CRYBG2: variants seen among roughly 807,000 people sequenced by gnomAD.
The protein encoded by CRYBG2 is beta/gamma crystallin domain-containing protein 2.
A neutral mutation model predicts 153.4 loss-of-function variants in CRYBG2; 106 were observed. The observed-to-expected ratio is 0.69, with a 90% CI of 0.59 to 0.81. CRYBG2 has a LOEUF of 0.81. CRYBG2 is among the 30% of genes least tolerant of loss of function. The probability of loss-of-function intolerance (pLI) is 0.00; values close to 1 mark genes in which losing one functional copy is unlikely to be tolerated. For missense variants in CRYBG2, 1,996 were observed against 2,112.0 expected (o/e 0.95, Z 1.08); for synonymous variants, 851 against 877.8 (o/e 0.97, Z 0.54).
chr1:26,340,323 CA>C (rs1366742316), intron 5 of CRYBG2, among the ~76,000 whole-genome samples: 1 of 152,180 alleles, frequency 6.6e-6, no homozygotes, highest in African/African-American at 2.4e-5. Flanking sequence ...CATCCAGTCA[CA>C]GGTAAGGAAA....
chr1:26,351,724 G>A (rs774762960), intron 1 of CRYBG2, among the ~76,000 whole-genome samples: 1 of 152,118 alleles, frequency 6.6e-6, no homozygotes, highest in Non-Finnish European at 1.5e-5. Context: ...ACAAGCATGT[G>A]GTCATTGGCT....
intron 14 of CRYBG2, 141 bp downstream of exon 14, chr1:26,335,954 C>T (rs1483174392): frequency 1.6e-6 from 1 of 622,192 alleles, no homozygotes; most frequent in African/African-American, 1.9e-5. Context: ...TCCATTAAAA[C>T]CTTATTTTGT....
rs1466458303 is a variant in CRYBG2, at chr1:26,336,789, C to G, written c.3911+52G>C. On this transcript the variant is annotated intron_variant, in intron 11 of 19. Coordinates refer to ENST00000308182, the MANE Select transcript of CRYBG2 (RefSeq NM_001039775.4). This position sits in a 1 kb window ranked among gnomAD's most constrained non-coding sequence, Gnocchi z 4.9. ...GACGGAGCCTGCACCTCTCCTGGAA[C>G]CGCCCCCGGCTCGCCCGGGCCCGCC... 1.9e-6 allele frequency: 3 copies of G among 1,560,994 alleles called. No homozygotes were observed. Among genetic ancestry groups the G allele is most frequent in the Non-Finnish European group, 2.6e-6 (3 of 1,153,450 alleles).
rs759719357 is a variant in CRYBG2 at position 26,345,335 on chromosome 1, G to C, written c.1323C>G (p.Ser441=). 3 of 1,613,270 alleles carry C rather than the reference G, an allele frequency of 1.9e-6. No homozygotes were observed. Among genetic ancestry groups the C allele is most frequent in the Non-Finnish European group, 2.5e-6 (3 of 1,179,862 alleles). ...PSPGGLSAPS[S]PRNKFVQNSE... The stretch of plus-strand genomic sequence containing the variant: ...AGTTCTGAACAAACTTATTCCTTGG[G>C]GACGATGGAGCAGAAAGACCTCCTG... Residue 441 remains serine (S), a synonymous_variant, in exon 2 of 20, where the codon TCC becomes TCG. Coordinates refer to ENST00000308182, the MANE Select transcript of CRYBG2 (RefSeq NM_001039775.4).
chr1:26,351,207 C>T (rs1322638795), intron 1 of CRYBG2, among the ~76,000 whole-genome samples: 1 of 152,146 alleles, frequency 6.6e-6, no homozygotes, highest in Non-Finnish European at 1.5e-5. Context: ...ACTCCCCTGT[C>T]CCCATTAGGG....
rs561047494 is a variant in CRYBG2, at chr1:26,341,516, T to C, written c.3204+1238A>G. Among the ~76,000 whole-genome samples, 11 of 152,084 alleles carry C rather than the reference T, an allele frequency of 7.2e-5. No homozygotes were observed. The South Asian group carries it at 1.5e-3, about 20-fold the overall frequency. On this transcript the variant is annotated intron_variant, in intron 5 of 19. Transcript: ENST00000308182. ...AGCACATGAAATTATAATTTTTTTT[T>C]ACTCTTGTTGCCCAGGCTGGAGTGC...
chr1:26,337,800 TC>T, intron 8 of CRYBG2, 126 bp from the exon 9 acceptor site: 1 of 1,378,640 alleles, frequency 7.3e-7, no homozygotes. Context: ...CTGAACTCCA[TC>T]CCCTTACCCA....
Position 26,326,066 on chromosome 1 carries a change from A to AT in CRYBG2, c.4579-1757dup, listed in dbSNP as rs780086698. 3.2e-4 allele frequency among the ~76,000 whole-genome samples: 49 copies of AT among 151,756 alleles called. No homozygotes were observed. The East Asian group carries it at 7.8e-3, about 24-fold the overall frequency. On this transcript the variant is annotated intron_variant, in intron 17 of 19. Transcript: ENST00000308182. ...ATCACACCTAGCTCATTTCTTTTGT[A>AT]TTTTTTGTAGAGATGGGGTCTCGCC... is the stretch of plus-strand genomic sequence containing the variant.
intron 1 of CRYBG2, among the ~76,000 whole-genome samples, chr1:26,347,502 T>A (rs186030399): frequency 2.2e-3 from 341 of 151,576 alleles, no homozygotes; most frequent in Non-Finnish European, 3.9e-3. Context: ...TTATTTATTT[T>A]TTTTGAGACA....
chr1:26,331,713 T>TCA (rs1402963725), intron 14 of CRYBG2, 95 bp from the exon 15 acceptor site: 1 of 1,517,722 alleles, frequency 6.6e-7, no homozygotes, highest in African/African-American at 1.4e-5. Flanking sequence ...GCAGACTTGA[T>TCA]CATGATCCCC....
intron 14 of CRYBG2, among the ~76,000 whole-genome samples, chr1:26,333,294 C>T (rs1380952753): frequency 6.6e-6 from 1 of 152,068 alleles, no homozygotes; most frequent in African/African-American, 2.4e-5. Context: ...GGCCGGGTGC[C>T]GTGGCTCACG....
chr1:26,340,146 A>G (rs1001260058), intron 5 of CRYBG2, among the ~76,000 whole-genome samples: 17 of 152,226 alleles, frequency 1.1e-4, no homozygotes, highest in African/African-American at 3.9e-4. Context: ...ACGTCATCCC[A>G]GGAAGCAGCA....
chr1:26,322,288 G>T lies in CRYBG2; in HGVS notation c.4773C>A (p.Pro1591=). ...APTMSLQVIG[P]PSPGSKVVLW... ...GCACCACCTTGGAGCCTGGGCTAGG[G>T]GGTCCAATCACCTGTAGGCTCATGG... The change falls in exon 19 of 20, where the codon CCC becomes CCA. Residue 1591 remains proline (P), a synonymous_variant. Transcript: ENST00000308182. 3 of 1,613,764 alleles carry T rather than the reference G, an allele frequency of 1.9e-6. No homozygotes were observed. The highest frequency in any genetic ancestry group is 2.5e-6 in the Non-Finnish European group (3 of 1,180,008).
rs200533868 is a variant in CRYBG2 at position 26,328,510 on chromosome 1, G to A, written c.4455-178C>T. 1.2e-5 allele frequency: 14 copies of A among 1,166,440 alleles called. No individual in the cohort carries two copies. The East Asian group carries it at 3.4e-4, about 28-fold the overall frequency. 72.3% of individuals were successfully genotyped at this position (1,166,440 alleles called of 1,614,324 possible). A position where few individuals can be genotyped will look rare whatever the true frequency, so the allele number is the denominator to read the frequency against. On this transcript the variant is annotated intron_variant, in intron 16 of 19. Coordinates refer to ENST00000308182, the MANE Select transcript of CRYBG2 (RefSeq NM_001039775.4). ...GAGGGAGGCTGGGAAGTAGATTTGG[G>A]GTTTTCAGGGTAAAGAAGGATCCTG... is the stretch of plus-strand genomic sequence containing the variant.
chr1:26,352,659 C>T (rs995748995), intron 1 of CRYBG2, among the ~76,000 whole-genome samples: 1 of 151,968 alleles, frequency 6.6e-6, no homozygotes, highest in Non-Finnish European at 1.5e-5. Context: ...TAAGTGAGCC[C>T]TAGCCTCCCA....
chr1:26,328,635 TG>T lies in CRYBG2; in HGVS notation c.4454+98del. The T allele has an allele frequency of 1.1e-5, 17 of 1,485,024 alleles. 1 individual carries two copies. The highest frequency in any genetic ancestry group is 2.4e-4 in the Middle Eastern group (1 of 4,220). 92.0% of individuals were successfully genotyped at this position (1,485,024 alleles called of 1,614,324 possible). A position where few individuals can be genotyped will look rare whatever the true frequency, so the allele number is the denominator to read the frequency against. ...GGCTTGGAGGGGAGTGGGGGAAAAG[TG>T]GGGAGGGGAAAGAGGCCAGAGACCC... On this transcript the variant is annotated intron_variant, in intron 16 of 19. Transcript: ENST00000308182.
chr1:26,352,579 C>G (rs1221677684), intron 1 of CRYBG2, among the ~76,000 whole-genome samples: 1 of 152,134 alleles, frequency 6.6e-6, no homozygotes, highest in Admixed American at 6.5e-5. Context: ...CCAATCTTGG[C>G]CCAGAGAACC....
chr1:26,337,711 A>G, intron 8 of CRYBG2, 37 bp from the exon 9 acceptor site: 1 of 1,599,410 alleles, frequency 6.3e-7, no homozygotes, highest in Non-Finnish European at 8.5e-7. Flanking sequence ...ATCTGGACCC[A>G]AACACACCCA....
chr1:26,322,148 A>G lies in CRYBG2; in HGVS notation c.4897+16T>C, dbSNP rs748349232. On this transcript the variant is annotated intron_variant, in intron 19 of 19. Coordinates refer to ENST00000308182, the MANE Select transcript of CRYBG2 (RefSeq NM_001039775.4). ...AGCCCCCTCAGGAGCCCTCTTCCCC[A>G]TACATCCCACCTTACCCTTCACGTC... 13 of 1,609,102 alleles carry G rather than the reference A, an allele frequency of 8.1e-6. No homozygotes were observed. Among genetic ancestry groups the G allele is most frequent in the Admixed American group, 1.7e-5 (1 of 59,886 alleles).
Sources: gnomAD v4.1 joint callset for allele counts (sites outside exome capture counted in the v4.1 genomes callset) on GRCh38, gnomAD v4.1.1 for gene constraint, Gnocchi (gnomAD v3.1) non-coding constraint, MANE v1.5 for transcripts, NCBI Gene and HGNC (gene_info 2026-07-23, HGNC 2026-07-21) for gene names.